The following PARP2 variants were observed in gnomAD, a reference collection of about 807,000 sequenced individuals.
The protein encoded by PARP2 is poly(ADP-ribose) polymerase 2, also known as poly [ADP-ribose] polymerase 2.
In PARP2, 57 loss-of-function variants were observed where a neutral mutation model predicts 77.8. The observed-to-expected ratio is 0.73, with a 90% CI of 0.59 to 0.91. The LOEUF (loss-of-function observed/expected upper bound fraction) is 0.91, where lower values mean the gene tolerates loss of function less well. Among genes scored for constraint, PARP2 ranks in the 40% least tolerant of loss-of-function variants. The pLI is 0.00. For synonymous variants in PARP2, 226 were observed against 242.6 expected, an observed-to-expected ratio of 0.93 and a Z score of 0.64; for missense variants, 651 against 689.0, an observed-to-expected ratio of 0.94 and a Z score of 0.62.
rs1189384101 is a variant in PARP2, at chr14:20,357,670, G to A, written c.1586G>A (p.Ser529Asn). Residue 529 changes from serine (S) to asparagine (N), a missense_variant, in exon 16 of 16, where the codon AGT becomes AAT. Ser to Asn is a conservative substitution (Grantham distance 46). Coordinates refer to ENST00000429687, the MANE Select transcript of PARP2 (RefSeq NM_001042618.2). ...AGTACAGTGCCATTAGGACCAGCAA[G>A]TGACACAGGAATTCTGAATCCAGAT... Reference protein sequence around the residue: ...NGSTVPLGPASDTGILNPDGY... With the variant: ...NGSTVPLGPANDTGILNPDGY... The A allele has an allele frequency of 6.2e-7, 1 of 1,613,876 alleles. No homozygotes were observed. The highest frequency in any genetic ancestry group is 1.1e-5 in the South Asian group (1 of 90,996).
In PARP2 at chr14:20,356,700, T is replaced by C. The variant is rs878156; in HGVS notation, c.1329+11T>C. 0.11 allele frequency: 168,749 copies of C among 1,594,102 alleles called. 13,187 individuals are homozygous for C. Among genetic ancestry groups the C allele is most frequent in the African/African-American group, 0.4 (29,507 of 74,562 alleles). Reference sequence around the variant, plus strand: ...ATCACAGGTTACATGGTGAGTGAAATTGAACTCTGGGAGGAGCACAGGGGA... The same window carrying C: ...ATCACAGGTTACATGGTGAGTGAAACTGAACTCTGGGAGGAGCACAGGGGA... On this transcript the variant is annotated intron_variant, in intron 13 of 15. Transcript: ENST00000429687.
rs1884200662 is a variant in PARP2, at chr14:20,357,483, G to A, written c.1516G>A (p.Gly506Ser). The A allele has an allele frequency of 1.9e-6, 3 of 1,613,768 alleles. No homozygotes were observed. The highest frequency in any genetic ancestry group is 2.5e-6 in the Non-Finnish European group (3 of 1,179,880). The change falls in exon 15 of 16, where the codon GGC becomes AGC. Residue 506 changes from glycine to serine, a missense_variant. By Grantham distance (56) the Gly-to-Ser change is moderately conservative. Coordinates refer to ENST00000429687, the MANE Select transcript of PARP2 (RefSeq NM_001042618.2). ...AGGTAAACATAGCACCAAGGGGCTG[G>A]GCAAGATGGCTCCCAGTTCTGCCCA... ...LQGKHSTKGL[G>S]KMAPSSAHFV...
At chr14:20,356,891 T>C in intron 13 of PARP2, 160 bp from the exon 14 acceptor site, 1 of 675,618 alleles carries the variant, frequency 1.5e-6, no homozygotes, top group Non-Finnish European at 2.6e-6. Context: ...AGGCGGAAAT[T>C]CACAGGGGCT....
chr14:20,354,136 G>C lies in PARP2; in HGVS notation c.652G>C (p.Glu218Gln). The C allele has an allele frequency of 6.2e-7, 1 of 1,613,244 alleles. No homozygotes were observed. Among genetic ancestry groups the C allele is most frequent in the Non-Finnish European group, 8.5e-7 (1 of 1,179,212 alleles). ...EESLKSPLKP[E>Q]SQLDLRVQEL... Reference sequence around the variant, plus strand: ...ATCTCTTAAATCTCCCTTGAAGCCAGAGTCACAGCTAGATCTTCGGGTACA... The same window carrying C: ...ATCTCTTAAATCTCCCTTGAAGCCACAGTCACAGCTAGATCTTCGGGTACA... The change falls in exon 8 of 16, where the codon GAG (glutamate) becomes CAG (glutamine). Residue 218 changes from glutamate to glutamine, a missense_variant. Physicochemically the swap from Glu to Gln is conservative, Grantham distance 29. Transcript: ENST00000429687.
At position 20,350,603 on chromosome 14, in the gene PARP2, T is replaced by G; in HGVS notation, c.402T>G (p.Val134=). Residue 134 remains valine (V), a synonymous_variant, in exon 5 of 16, where the codon GTT becomes GTG. Transcript: ENST00000429687. ...LEDDAQRNFS[V]WMRWGRVGKM... ...ATGATGCCCAGAGGAACTTCAGTGT[T>G]TGGATGAGATGGGGCCGAGGTAATG... 1 of 1,602,350 alleles carries G rather than the reference T, an allele frequency of 6.2e-7. No homozygotes were observed. Among genetic ancestry groups the G allele is most frequent in the Non-Finnish European group, 8.6e-7 (1 of 1,169,356 alleles).
intron 7 of PARP2, chr14:20,353,127 G>A (rs2781367): frequency 0.22 from 33,149 of 152,146 alleles, 8,065 homozygotes; most frequent in African/African-American, 0.6. Context: ...TGATCTACCC[G>A]CCTCAGCTTC....
At chr14:20,353,248 T>G (rs1884023463) in intron 7 of PARP2, among the ~76,000 whole-genome samples, 1 of 151,774 alleles carries the variant, frequency 6.6e-6, no homozygotes, top group South Asian at 2.1e-4. Context: ...TTTTTTGTTT[T>G]TGTTTTTTTT....
intron 3 of PARP2, among the ~76,000 whole-genome samples, chr14:20,345,887 G>A (rs988108235): frequency 6.6e-5 from 10 of 151,164 alleles, no homozygotes; most frequent in African/African-American, 2.5e-4. Flanking sequence ...GAGAGAGATT[G>A]GAGAAGGTGT....
Position 20,352,226 on chromosome 14 carries a change from T to TA in PARP2, c.498-18dup. 7.1e-7 allele frequency: 1 copy of TA among 1,408,842 alleles called. No individual in the cohort carries two copies. Among genetic ancestry groups the TA allele is most frequent in the Non-Finnish European group, 1.0e-6 (1 of 997,402 alleles). The allele number at this position is 1,408,842 out of a possible 1,614,324, so 87.3% of individuals were successfully genotyped here. On this transcript the variant is annotated intron_variant, in intron 6 of 15. Coordinates refer to ENST00000429687, the MANE Select transcript of PARP2 (RefSeq NM_001042618.2). ...TAGACCTTTATTTGTAAAGTTTTCT[T>TA]ACACCTTGGACTCTACAGATTCCTT...
rs750714576 is a variant in PARP2, at chr14:20,357,516, A to G, written c.1549A>G (p.Thr517Ala). The G allele has an allele frequency of 6.2e-6, 10 of 1,609,274 alleles. No individual in the cohort carries two copies. The African/African-American group carries it at 1.3e-4, about 22-fold the overall frequency. ...GGCTCCCAGTTCTGCCCACTTCGTCACCCTGTAAGTACTCAGAACCAGGAG... is the reference window on the plus strand; with the variant it reads ...GGCTCCCAGTTCTGCCCACTTCGTCGCCCTGTAAGTACTCAGAACCAGGAG... ...KMAPSSAHFV[T>A]LNGSTVPLGP... The change falls in exon 15 of 16, where the codon ACC (threonine) becomes GCC (alanine). Residue 517 changes from threonine (T) to alanine (A), a missense_variant. Transcript: ENST00000429687.
chr14:20,348,548 C>G (rs1421027205), intron 4 of PARP2, among the ~76,000 whole-genome samples: 2 of 151,946 alleles, frequency 1.3e-5, no homozygotes, highest in East Asian at 1.9e-4. Flanking sequence ...TTTAATCAAC[C>G]TTTTTCTCTT....
chr14:20,350,566 A>G lies in PARP2; in HGVS notation c.365A>G (p.Gln122Arg), dbSNP rs768770914. Residue 122 changes from glutamine (Q) to arginine (R), a missense_variant, in exon 5 of 16, where the codon CAG becomes CGG. By Grantham distance (43) the Gln-to-Arg change is conservative. Transcript: ENST00000429687. ...AACAACAACAAGTACTATCTGATTC[A>G]GCTATTAGAAGATGATGCCCAGAGG... Reference protein sequence around the residue: ...QFNNNKYYLIQLLEDDAQRNF... With the variant: ...QFNNNKYYLIRLLEDDAQRNF... The G allele has an allele frequency of 1.9e-6, 3 of 1,611,142 alleles. No individual in the cohort carries two copies. The South Asian group carries it at 3.3e-5, about 18-fold the overall frequency.
intron 7 of PARP2, among the ~76,000 whole-genome samples, chr14:20,353,533 G>T (rs1476524033): frequency 6.6e-6 from 1 of 152,144 alleles, no homozygotes; most frequent in Non-Finnish European, 1.5e-5. Flanking sequence ...GTGAGCCACT[G>T]CGGCTGGCAC....
At position 20,355,131 on chromosome 14, in the gene PARP2, C is replaced by G; in HGVS notation, c.902+184C>G. 8 of 529,978 alleles carry G rather than the reference C, an allele frequency of 1.5e-5. 1 individual carries two copies. The highest frequency in any genetic ancestry group is 2.6e-5 in the Non-Finnish European group (8 of 311,384). The allele number at this position is 529,978 out of a possible 1,614,324, so 32.8% of individuals were successfully genotyped here. ...AGCTTACAAATATGGGATGCAATCT[C>G]CCGGCTTGACCACAGCCATATTCTC... On this transcript the variant is annotated intron_variant, in intron 9 of 15. Transcript: ENST00000429687.
At chr14:20,349,257 C>T (rs955495303) in intron 4 of PARP2, among the ~76,000 whole-genome samples, 1 of 151,788 alleles carries the variant, frequency 6.6e-6, no homozygotes, top group Admixed American at 6.6e-5. Flanking sequence ...GAGGTTGAGG[C>T]TACAGTGAGC....
In PARP2 at chr14:20,345,013, A is replaced by G. The variant is rs1883659127; in HGVS notation, c.128A>G (p.Gln43Arg). ...CCTGCCAAGAAAACTCGTAGATGCC[A>G]GAGACAGGAGTCGAAAAAGATGCCT... ...SSPAKKTRRC[Q>R]RQESKKMPVA... Residue 43 changes from glutamine to arginine, a missense_variant, in exon 2 of 16, where the codon CAG (glutamine) becomes CGG (arginine). By Grantham distance (43) the Gln-to-Arg change is conservative (BLOSUM62 1). Transcript: ENST00000429687. The G allele has an allele frequency of 6.2e-7, 1 of 1,614,040 alleles. No individual in the cohort carries two copies. The highest frequency in any genetic ancestry group is 2.2e-5 in the East Asian group (1 of 44,888).
Position 20,356,393 on chromosome 14 carries a change from G to A in PARP2, c.1188G>A (p.Lys396=), listed in dbSNP as rs745659855. 11 of 1,614,132 alleles carry A rather than the reference G, an allele frequency of 6.8e-6. No individual in the cohort carries two copies. The highest frequency in any genetic ancestry group is 9.3e-6 in the Non-Finnish European group (11 of 1,179,994). The change falls in exon 12 of 16, where the codon AAG becomes AAA. Residue 396 remains lysine, a synonymous_variant. Transcript: ENST00000429687. ...TGCTGGATTTGTTTGAAGTGGAGAA[G>A]GATGGTGAGAAAGAAGCCTTCAGAG... The part of the protein sequence containing the change: ...MTLLDLFEVE[K]DGEKEAFRED...
chr14:20,343,668 C>T lies in PARP2; in HGVS notation c.27C>T (p.Thr9=), dbSNP rs749403962. The part of the protein sequence containing the change: MAARRRRS[T]GGGRARALNE... ...TGGCGGCGCGGCGGCGACGGAGCAC[C>T]GGCGGCGGCAGGGCGAGAGGTTCGG... The change falls in exon 1 of 16, where the codon ACC becomes ACT. Residue 9 remains threonine, a synonymous_variant. Coordinates refer to ENST00000429687, the MANE Select transcript of PARP2 (RefSeq NM_001042618.2). The T allele has an allele frequency of 2.0e-5, 32 of 1,610,192 alleles. No homozygotes were observed. The highest frequency in any genetic ancestry group is 1.0e-4 in the Admixed American group (6 of 59,562).
In PARP2 at chr14:20,354,934, C is replaced by T; in HGVS notation, c.889C>T (p.Pro297Ser). ...EACNEFYTRI[P>S]HDFGLRTPPL... ...ATGCAATGAATTCTACACCAGGATT[C>T]CGCATGACTTTGGGTAAGGCCTGTG... is the stretch of plus-strand genomic sequence containing the variant. The change falls in exon 9 of 16, where the codon CCG becomes TCG. Residue 297 changes from proline (P) to serine (S), a missense_variant. By Grantham distance (74) the Pro-to-Ser change is moderately conservative. Coordinates refer to ENST00000429687, the MANE Select transcript of PARP2 (RefSeq NM_001042618.2). The T allele has an allele frequency of 6.2e-7, 1 of 1,613,738 alleles. No homozygotes were observed. Among genetic ancestry groups the T allele is most frequent in the Non-Finnish European group, 8.5e-7 (1 of 1,179,812 alleles).
Sources: gnomAD v4.1 joint callset for allele counts (sites outside exome capture counted in the v4.1 genomes callset) on GRCh38, gnomAD v4.1.1 for gene constraint, MANE v1.5 for transcripts, NCBI Gene and HGNC (gene_info 2026-07-23, HGNC 2026-07-21) for gene names.